KCNT1: variants seen among roughly 807,000 people sequenced by gnomAD.
KCNT1 encodes potassium sodium-activated channel subfamily T member 1.
A neutral mutation model predicts 147.8 loss-of-function variants in KCNT1; 78 were observed. That is an observed-to-expected ratio of 0.53 (90% CI 0.44 to 0.64). The LOEUF is 0.64. KCNT1 is among the 30% of genes least tolerant of loss of function. The pLI is 0.00. For synonymous variants in KCNT1, 867 were observed against 748.8 expected (o/e 1.16, Z -2.58); for missense variants, 1,419 against 1,750.3 (o/e 0.81, Z 3.38).
intron 28 of KCNT1, 71 bp downstream of exon 28, chr9:135,785,401 C>A (rs1445376695): frequency 1.9e-6 from 3 of 1,548,348 alleles, no homozygotes; most frequent in Non-Finnish European, 2.6e-6. Flanking sequence ...ATGGAGAAGC[C>A]TGCCAGGCCC....
chr9:135,762,545 C>G (rs112049545), intron 11 of KCNT1, among the ~76,000 whole-genome samples: 1 of 152,048 alleles, frequency 6.6e-6, no homozygotes, highest in Non-Finnish European at 1.5e-5. Flanking sequence ...ATCCGGCGTT[C>G]AAGACCAGCC....
chr9:135,792,011 C>A, intron 30 of KCNT1, 30 bp from the exon 31 acceptor site: 1 of 1,602,412 alleles, frequency 6.2e-7, no homozygotes, highest in Non-Finnish European at 8.5e-7. Flanking sequence ...GGCCCACATC[C>A]ACTCCAGGGT....
At chr9:135,789,293 C>G (rs1403597702) in intron 29 of KCNT1, 2 of 152,228 alleles carry the variant, frequency 1.3e-5, no homozygotes, top group African/African-American at 4.8e-5. Flanking sequence ...GGCCTACATG[C>G]CCGGGAGGGT....
chr9:135,788,445 C>CACCCTGGTGCTGCTTCTCCTGCTT (rs2131590630), intron 29 of KCNT1, among the ~76,000 whole-genome samples: 1 of 152,384 alleles, frequency 6.6e-6, no homozygotes, highest in South Asian at 2.1e-4. Context: ...CTCTCGGGCT[C>CACCCTGGTGCTGCTTCTCCTGCTT]ACCCTGGTGC....
At chr9:135,775,936 G>A (rs1308821220) in intron 20 of KCNT1, among the ~76,000 whole-genome samples, 1 of 151,926 alleles carries the variant, frequency 6.6e-6, no homozygotes, top group East Asian at 1.9e-4. Context: ...ATGTTCCCTG[G>A]GGTCTCTTGA....
At chr9:135,791,716 G>C (rs1834543197) in intron 29 of KCNT1, 81 bp from the exon 30 acceptor site, 2 of 1,192,834 alleles carry the variant, frequency 1.7e-6, no homozygotes, top group Admixed American at 1.8e-5. Context: ...TCATCCTGGA[G>C]CCCCCACACC....
Position 135,752,833 on chromosome 9 carries a change from T to G in KCNT1, c.435-1104T>G, listed in dbSNP as rs1289534610. On this transcript the variant is annotated intron_variant, in intron 4 of 30. Coordinates refer to ENST00000371757, the MANE Select transcript of KCNT1 (RefSeq NM_020822.3). The surrounding 1 kb of genome is among the most constrained non-coding windows in gnomAD (Gnocchi z 5.1). Reference sequence around the variant, plus strand: ...CGTGGATGGGTGGAGGGATGGATGTTGGATGGAGGGATGAGTGAATGGGTG... The same window carrying G: ...CGTGGATGGGTGGAGGGATGGATGTGGGATGGAGGGATGAGTGAATGGGTG... Among the ~76,000 whole-genome samples the G allele has an allele frequency of 1.5e-5, 2 of 137,712 alleles. No individual in the cohort carries two copies. The highest frequency in any genetic ancestry group is 5.6e-5 in the African/African-American group (2 of 35,642). The allele number at this position is 137,712 out of a possible 152,430, so 90.3% of individuals were successfully genotyped here.
chr9:135,788,193 G>A lies in KCNT1; in HGVS notation c.3502+1672G>A, dbSNP rs76374199. ...TCTGCCCTGGCGGGTGCCGACCACC[G>A]CACAACGGGGCTCGCCAACCCTTCA... On this transcript the variant is annotated intron_variant, in intron 29 of 30. Coordinates refer to ENST00000371757, the MANE Select transcript of KCNT1 (RefSeq NM_020822.3). 0.015 allele frequency: 23,767 copies of A among 1,579,746 alleles called. 1,910 individuals carry two copies. In the African/African-American group the frequency reaches 0.22, roughly 15 times the overall value.
intron 2 of KCNT1, among the ~76,000 whole-genome samples, chr9:135,725,907 G>T (rs982889114): frequency 6.6e-6 from 1 of 152,144 alleles, no homozygotes; most frequent in African/African-American, 2.4e-5. Flanking sequence ...GGGAGCCCAG[G>T]TCTGGCAGGA....
In KCNT1 at chr9:135,765,633, G is replaced by T; in HGVS notation, c.1210G>T (p.Val404Leu). 6.2e-7 allele frequency: 1 copy of T among 1,610,168 alleles called. No homozygotes were observed. Among genetic ancestry groups the T allele is most frequent in the South Asian group, 1.1e-5 (1 of 90,676 alleles). ...YAHPRLQDYYVVILCPTEMDV... is the reference protein window; with the variant it reads ...YAHPRLQDYYLVILCPTEMDV... Reference sequence around the variant, plus strand: ...TCCGCCTGGCCGGCAGGACTATTACGTGGTCATCCTGTGCCCCACGGAGAT... The same window carrying T: ...TCCGCCTGGCCGGCAGGACTATTACTTGGTCATCCTGTGCCCCACGGAGAT... Residue 404 changes from valine to leucine, a missense_variant, in exon 13 of 31, where the codon GTG becomes TTG. Coordinates refer to ENST00000371757, the MANE Select transcript of KCNT1 (RefSeq NM_020822.3).
chr9:135,718,345 G>T (rs766765074), intron 2 of KCNT1, among the ~76,000 whole-genome samples: 15 of 152,172 alleles, frequency 9.9e-5, no homozygotes, highest in Admixed American at 7.2e-4. Flanking sequence ...GCCATAGGGG[G>T]CCCAGGTCTG....
At chr9:135,723,800 C>T (rs1358806486) in intron 2 of KCNT1, among the ~76,000 whole-genome samples, 3 of 152,240 alleles carry the variant, frequency 2.0e-5, no homozygotes, top group Admixed American at 6.5e-5. Context: ...CAGGCCACCC[C>T]TCGGGGCTTG....
rs546404052 is a variant in KCNT1 at position 135,746,652 on chromosome 9, C to A, written c.255-3446C>A. ...CAGAGGTCCAGCTGCACCAGGTCCA[C>A]GGGGAGGTAAAGGGAGGAGCAGGAG... On this transcript the variant is annotated intron_variant, in intron 2 of 30. Transcript: ENST00000371757. 3.2e-3 allele frequency among the ~76,000 whole-genome samples: 488 copies of A among 152,082 alleles called. 3 individuals are homozygous for A. The highest frequency in any genetic ancestry group is 0.011 in the African/African-American group (457 of 41,478).
rs2131511927 is a variant in KCNT1, at chr9:135,771,069, C to T, written c.1982C>T (p.Pro661Leu). 6.2e-7 allele frequency: 1 copy of T among 1,611,820 alleles called. No individual in the cohort carries two copies. Among genetic ancestry groups the T allele is most frequent in the South Asian group, 1.1e-5 (1 of 90,692 alleles). The part of the protein sequence containing the change: ...QGLHEGPARL[P>L]VHSIIASMGT... ...CTGCACGAGGGTCCGGCCCGCCTGCCCGTGCACAGCATCATCGCCTCCATG... is the reference window on the plus strand; with the variant it reads ...CTGCACGAGGGTCCGGCCCGCCTGCTCGTGCACAGCATCATCGCCTCCATG... The change falls in exon 18 of 31, where the codon CCC becomes CTC. Residue 661 changes from proline to leucine, a missense_variant. Around this residue, in one of 5 missense-constraint regions of KCNT1, gnomAD observed 284 missense variants for 292.8 expected, o/e 0.97. Transcript: ENST00000371757.
Position 135,786,301 on chromosome 9 carries a change from G to A in KCNT1, c.3282G>A (p.Thr1094=), listed in dbSNP as rs754919919. The A allele has an allele frequency of 2.7e-5, 43 of 1,603,528 alleles. No homozygotes were observed. The highest frequency in any genetic ancestry group is 1.8e-4 in the East Asian group (8 of 44,450). ...GAGGCAGCTCCCAGGGCCGCCACAC[G>A]GGCGGCGGTGACCCCGCAGAGCACC... is the stretch of plus-strand genomic sequence containing the variant. ...GTGGSSQGRH[T]GGGDPAEHPL... Residue 1094 remains threonine (T), a synonymous_variant, in exon 29 of 31, where the codon ACG becomes ACA. Transcript: ENST00000371757.
Position 135,730,353 on chromosome 9 carries a change from C to A in KCNT1, c.254+15633C>A, listed in dbSNP as rs1564326622. On this transcript the variant is annotated intron_variant, in intron 2 of 30. Coordinates refer to ENST00000371757, the MANE Select transcript of KCNT1 (RefSeq NM_020822.3). The surrounding 1 kb of genome is among the most constrained non-coding windows in gnomAD (Gnocchi z 4.7). ...ATCCCAGAAACCCATGACTATGTAA[C>A]CATGCGTGGCGAGGGGGACCACACG... 6.6e-6 allele frequency among the ~76,000 whole-genome samples: 1 copy of A among 152,150 alleles called. No homozygotes were observed. Among genetic ancestry groups the A allele is most frequent in the Admixed American group, 6.5e-5 (1 of 15,276 alleles).
chr9:135,733,143 T>C (rs1174453164), intron 2 of KCNT1, among the ~76,000 whole-genome samples: 2 of 151,856 alleles, frequency 1.3e-5, no homozygotes, highest in African/African-American at 4.8e-5. Context: ...GTTCTTACTA[T>C]GCTTGTTTGT....
Position 135,729,871 on chromosome 9 carries a change from GC to G in KCNT1, c.254+15154del, listed in dbSNP as rs540515927. On this transcript the variant is annotated intron_variant, in intron 2 of 30. Transcript: ENST00000371757. Reference sequence around the variant, plus strand: ...TGGCCTGATGGACCTGCTGGGGCCAGCCCAACCCCACCACTGGGCAGGTACT... The same window carrying G: ...TGGCCTGATGGACCTGCTGGGGCCAGCCAACCCCACCACTGGGCAGGTACT... Among the ~76,000 whole-genome samples the G allele has an allele frequency of 2.8e-4, 43 of 152,314 alleles. No individual in the cohort carries two copies. The South Asian group carries it at 8.5e-3, about 30-fold the overall frequency.
At chr9:135,742,652 G>A (rs1387809433) in intron 2 of KCNT1, 12 of 690,426 alleles carry the variant, frequency 1.7e-5, no homozygotes, top group Non-Finnish European at 2.7e-5. Context: ...TGGTCCCAGA[G>A]CCCAGGCTCT....
Sources: gnomAD v4.1 joint callset for allele counts (sites outside exome capture counted in the v4.1 genomes callset) on GRCh38, gnomAD v4.1.1 for gene constraint, gnomAD v4.1.1 regional missense constraint, Gnocchi (gnomAD v3.1) non-coding constraint, MANE v1.5 for transcripts, NCBI Gene and HGNC (gene_info 2026-07-23, HGNC 2026-07-21) for gene names.